The following E2F5 variants were observed in gnomAD, a reference collection of about 807,000 sequenced individuals.
E2F5 encodes transcription factor E2F5.
Under a neutral mutation model 39.1 loss-of-function variants are expected in E2F5, and 23 were observed. That is an observed-to-expected ratio of 0.59 (90% CI 0.42 to 0.83). The LOEUF (loss-of-function observed/expected upper bound fraction) is 0.83, where lower values mean the gene tolerates loss of function less well. Ranked by LOEUF, E2F5 falls within the 40% of genes least tolerant of loss-of-function variation. E2F5 has a pLI of 0.00. For missense variants in E2F5, 365 were observed against 406.7 expected, an observed-to-expected ratio of 0.90 and a Z score of 0.88; for synonymous variants, 145 against 157.8, an observed-to-expected ratio of 0.92 and a Z score of 0.61.
intron 1 of E2F5, among the ~76,000 whole-genome samples, chr8:85,192,035 C>A (rs1003908509): frequency 1.3e-5 from 2 of 152,016 alleles, no homozygotes; most frequent in African/African-American, 2.4e-5. Context: ...AGGTTAGAGG[C>A]AGGGACAATA....
chr8:85,183,755 A>G (rs1271810527), intron 1 of E2F5, among the ~76,000 whole-genome samples: 1 of 152,224 alleles, frequency 6.6e-6, no homozygotes, highest in African/African-American at 2.4e-5. Flanking sequence ...GGAAAACAGA[A>G]TGGAATTTGT....
chr8:85,212,372 A>C, intron 7 of E2F5, 168 bp downstream of exon 7: 1 of 554,970 alleles, frequency 1.8e-6, no homozygotes, highest in Non-Finnish European at 3.2e-6. Flanking sequence ...CAACCTTCAG[A>C]ATTTATTTTT....
chr8:85,213,036 GAC>G (rs1449182180), intron 7 of E2F5: 2 of 151,486 alleles, frequency 1.3e-5, no homozygotes, highest in Non-Finnish European at 2.9e-5. Flanking sequence ...TAGCTGGGAT[GAC>G]AGGCACCTGC....
intron 1 of E2F5, among the ~76,000 whole-genome samples, chr8:85,185,208 C>T (rs1331664131): frequency 6.6e-6 from 1 of 151,988 alleles, no homozygotes; most frequent in Non-Finnish European, 1.5e-5. Flanking sequence ...AAATAAACAC[C>T]ACACATCTAC....
intron 1 of E2F5, among the ~76,000 whole-genome samples, chr8:85,195,923 A>C (rs1812569762): frequency 6.6e-6 from 1 of 152,130 alleles, no homozygotes; most frequent in African/African-American, 2.4e-5. Flanking sequence ...TCTTTTTTTC[A>C]TTTGAGTCAT....
chr8:85,182,248 A>C (rs1459113843), intron 1 of E2F5, among the ~76,000 whole-genome samples: 5 of 152,358 alleles, frequency 3.3e-5, no homozygotes, highest in South Asian at 4.1e-4. Context: ...AGAGCTTACC[A>C]TATGCAAAAC....
At chr8:85,212,652 C>A (rs1354689760) in intron 7 of E2F5, 1 of 153,174 alleles carries the variant, frequency 6.5e-6, no homozygotes, top group African/African-American at 2.4e-5. Flanking sequence ...CAGTTAGCTA[C>A]AATATGCTAA....
chr8:85,209,051 C>G lies in E2F5; in HGVS notation c.616-91C>G. 1.0e-5 allele frequency: 13 copies of G among 1,282,542 alleles called. 1 individual carries two copies. In the South Asian group the frequency reaches 1.9e-4, roughly 18 times the overall value. The allele number at this position is 1,282,542 out of a possible 1,614,324, so 79.4% of individuals were successfully genotyped here. A position where few individuals can be genotyped will look rare whatever the true frequency, so the allele number is the denominator to read the frequency against. ...ATTGTGTTATGTGAATTTAGTAAGT[C>G]CCTAATAGCTTTGCCTGTCTTATTG... On this transcript the variant is annotated intron_variant, in intron 5 of 7. Transcript: ENST00000416274.
chr8:85,186,872 G>GTA (rs1035142689), intron 1 of E2F5, among the ~76,000 whole-genome samples: 3 of 147,834 alleles, frequency 2.0e-5, no homozygotes, highest in African/African-American at 7.4e-5. Context: ...TATATAAGGT[G>GTA]TATATATATG....
At chr8:85,200,324 A>C (rs1052219984) in intron 1 of E2F5, 38 of 938,024 alleles carry the variant, frequency 4.1e-5, no homozygotes, top group Middle Eastern at 5.4e-4. Context: ...TGTACATGTT[A>C]GTCATTTATA....
At chr8:85,187,270 G>T (rs186076477) in intron 1 of E2F5, among the ~76,000 whole-genome samples, 1 of 152,190 alleles carries the variant, frequency 6.6e-6, no homozygotes, top group East Asian at 1.9e-4. Context: ...GTTGAGAAGC[G>T]TGTGTATTCT....
intron 1 of E2F5, among the ~76,000 whole-genome samples, chr8:85,186,373 G>A (rs1337953311): frequency 6.6e-6 from 1 of 151,998 alleles, no homozygotes; most frequent in Non-Finnish European, 1.5e-5. Flanking sequence ...GGGGGCTAGG[G>A]GAGGGATAGC....
At chr8:85,199,715 C>A (rs564453837) in intron 1 of E2F5, among the ~76,000 whole-genome samples, 7 of 152,164 alleles carry the variant, frequency 4.6e-5, no homozygotes, top group East Asian at 1.9e-4. Flanking sequence ...ACCCACGATC[C>A]GTTTCAACCT....
At chr8:85,185,362 TCA>T (rs1427447184) in intron 1 of E2F5, among the ~76,000 whole-genome samples, 1 of 151,888 alleles carries the variant, frequency 6.6e-6, no homozygotes, top group African/African-American at 2.4e-5. Context: ...AAAAATCAAC[TCA>T]AGATGGATGA....
chr8:85,204,520 C>T (rs1004691363), intron 3 of E2F5, among the ~76,000 whole-genome samples: 1 of 125,556 alleles, frequency 8.0e-6, no homozygotes, highest in Non-Finnish European at 1.6e-5. Context: ...GGAAGGGGAA[C>T]ATCACACACC....
At chr8:85,189,803 A>G (rs1812421488) in intron 1 of E2F5, among the ~76,000 whole-genome samples, 1 of 152,180 alleles carries the variant, frequency 6.6e-6, no homozygotes, top group Non-Finnish European at 1.5e-5. Flanking sequence ...ATGAATATGT[A>G]TTCACAAATG....
At chr8:85,205,542 C>T (rs1010305075) in intron 3 of E2F5, among the ~76,000 whole-genome samples, 5 of 152,046 alleles carry the variant, frequency 3.3e-5, no homozygotes, top group African/African-American at 1.2e-4. Flanking sequence ...CCTGCCTCGG[C>T]CTCCCAAAGT....
At position 85,202,212 on chromosome 8, in the gene E2F5, A is replaced by T. The variant is rs774208417; in HGVS notation, c.300A>T (p.Gly100=). The stretch of plus-strand genomic sequence containing the variant: ...ATGATATCACCAATGTCTTAGAGGG[A>T]ATTGACTTGATTGAAAAAAAGTCAA... ...RIYDITNVLE[G]IDLIEKKSKN... is the part of the protein sequence containing the mutation. Residue 100 remains glycine, a synonymous_variant, in exon 2 of 8, where the codon GGA becomes GGT. Transcript: ENST00000416274. The T allele has an allele frequency of 3.7e-6, 6 of 1,612,596 alleles. No homozygotes were observed. Among genetic ancestry groups the T allele is most frequent in the Non-Finnish European group, 5.1e-6 (6 of 1,179,442 alleles).
chr8:85,204,056 T>C (rs1203197416), intron 3 of E2F5, among the ~76,000 whole-genome samples: 2 of 152,080 alleles, frequency 1.3e-5, no homozygotes, highest in African/African-American at 4.8e-5. Flanking sequence ...CACATTTTCA[T>C]GTATTTGGTG....
Sources: allele counts gnomAD v4.1 joint callset (sites outside exome capture counted in the v4.1 genomes callset), GRCh38; gene constraint gnomAD v4.1.1; transcripts MANE v1.5; gene names NCBI Gene and HGNC (gene_info 2026-07-23, HGNC 2026-07-21).